Variants in TANC2 observed in about 807,000 individuals in gnomAD.
TANC2 encodes tetratricopeptide repeat, ankyrin repeat and coiled-coil containing 2.
Under a neutral mutation model 210.5 loss-of-function variants are expected in TANC2, and 26 were observed. The ratio of observed to expected loss-of-function variants is 0.12; its 90% CI spans 0.09 to 0.17. The LOEUF (loss-of-function observed/expected upper bound fraction) is 0.17, where lower values mean the gene tolerates loss of function less well. Ranked by LOEUF, TANC2 falls within the 10% of genes least tolerant of loss-of-function variation. The pLI is 1.00. For synonymous variants in TANC2, 931 were observed against 967.1 expected (o/e 0.96, Z 0.69); for missense variants, 2,129 against 2,608.9 (o/e 0.82, Z 4.01).
At chr17:62,990,790 T>C (rs1415460210) in intron 1 of TANC2, among the ~76,000 whole-genome samples, 1 of 152,168 alleles carries the variant, frequency 6.6e-6, no homozygotes, top group East Asian at 1.9e-4. Flanking sequence ...TGTGTGTTAA[T>C]GGGCTTAGGT....
At chr17:62,974,669 T>A (rs1368778305) in intron 1 of TANC2, among the ~76,000 whole-genome samples, 1 of 152,224 alleles carries the variant, frequency 6.6e-6, no homozygotes, top group African/African-American at 2.4e-5. Context: ...ATCCTGTGTC[T>A]TACATATTTT....
At chr17:63,301,541 T>C (rs2044712991) in intron 9 of TANC2, among the ~76,000 whole-genome samples, 1 of 152,216 alleles carries the variant, frequency 6.6e-6, no homozygotes, top group Admixed American at 6.5e-5. Flanking sequence ...ATCCATTTCT[T>C]CTAGATTTTG....
At chr17:63,379,802 C>T in exon 15 of TANC2, 2 of 1,611,798 alleles carry the variant, frequency 1.2e-6, no homozygotes, top group Non-Finnish European at 1.7e-6. Flanking sequence ...TGGGACATCA[C>T]ATCCTCAAAG....
intron 8 of TANC2, among the ~76,000 whole-genome samples, chr17:63,261,610 G>T (rs1193152364): frequency 2.0e-5 from 3 of 152,176 alleles, no homozygotes; most frequent in African/African-American, 7.2e-5. Flanking sequence ...AGATTCAACT[G>T]CTGCTCCTGG....
At chr17:63,419,255 C>T (rs1403295657) in intron 27 of TANC2, among the ~76,000 whole-genome samples, 1 of 152,186 alleles carries the variant, frequency 6.6e-6, no homozygotes, top group East Asian at 1.9e-4. Flanking sequence ...GCAACGAAGT[C>T]CTCACAGAAA....
chr17:63,005,893 AGTTTGTGTGTGT>A (rs1439765712), intron 1 of TANC2, among the ~76,000 whole-genome samples: 4 of 121,014 alleles, frequency 3.3e-5, no homozygotes, highest in African/African-American at 1.2e-4. Flanking sequence ...CTGGCTGTAT[AGTTTGTGTGTGT>A]GTGTGTGTGT....
intron 3 of TANC2, among the ~76,000 whole-genome samples, chr17:63,085,563 TTC>T (rs1237034438): frequency 6.6e-6 from 1 of 152,154 alleles, no homozygotes; most frequent in African/African-American, 2.4e-5. Context: ...ACTGTACTAT[TTC>T]ACAGGTAGTA....
intron 7 of TANC2, among the ~76,000 whole-genome samples, chr17:63,205,539 AG>A (rs758876249): frequency 1.4e-4 from 21 of 152,126 alleles, no homozygotes; most frequent in Non-Finnish European, 2.1e-4. Flanking sequence ...CCAAAAGCAC[AG>A]GCAACAGAAG....
At chr17:63,097,935 T>C (rs369998117) in intron 3 of TANC2, among the ~76,000 whole-genome samples, 10 of 152,226 alleles carry the variant, frequency 6.6e-5, no homozygotes, top group African/African-American at 2.4e-4. Context: ...ATTTGATGTC[T>C]AATCTACATT....
At position 63,340,103 on chromosome 17, in the gene TANC2, G is replaced by A. The variant is rs2046177332; in HGVS notation, c.1578G>A (p.Val526=). 3.7e-6 allele frequency: 6 copies of A among 1,612,780 alleles called. No homozygotes were observed. In the East Asian group the frequency reaches 1.3e-4, roughly 36 times the overall value. Residue 526 remains valine, a splice_region_variant and synonymous_variant, in exon 12 of 28, where the codon GTG becomes GTA. Coordinates refer to ENST00000689528, the Ensembl canonical transcript of TANC2. ...GCATTCTCATCTTTCTTTTGCAGGT[G>A]GTTGCCTATCACTATTGTCAAGCAG...
chr17:63,316,184 C>T (rs1327858085), intron 10 of TANC2, among the ~76,000 whole-genome samples: 2 of 152,116 alleles, frequency 1.3e-5, no homozygotes, highest in African/African-American at 2.4e-5. Flanking sequence ...AGTAACTTTC[C>T]ACACTATTCC....
chr17:63,277,410 C>A (rs959470408), intron 9 of TANC2, among the ~76,000 whole-genome samples: 1 of 151,766 alleles, frequency 6.6e-6, no homozygotes, highest in Non-Finnish European at 1.5e-5. Context: ...GAAGACCCAT[C>A]AGTTATCTTT....
chr17:63,372,871 T>TA (rs2047312540), intron 14 of TANC2, among the ~76,000 whole-genome samples: 1 of 149,518 alleles, frequency 6.7e-6, no homozygotes, highest in Admixed American at 6.7e-5. Flanking sequence ...GAACCCATGT[T>TA]AAAGTTGATT....
chr17:63,420,737 C>T lies in TANC2; in HGVS notation c.5007C>T (p.Ala1669=). 1 of 1,613,982 alleles carries T rather than the reference C, an allele frequency of 6.2e-7. No homozygotes were observed. The highest frequency in any genetic ancestry group is 1.1e-5 in the South Asian group (1 of 91,082). ...CCAAATCTCCATTATCCAAAATGGC[C>T]CAGCGGCCCTACCAGATGCCTCAGC... Residue 1669 remains alanine (A), a synonymous_variant, in exon 28 of 28, where the codon GCC becomes GCT. Transcript: ENST00000689528. This position sits in a 1 kb window ranked among gnomAD's most constrained non-coding sequence, Gnocchi z 4.2.
intron 4 of TANC2, among the ~76,000 whole-genome samples, chr17:63,109,808 C>T (rs1396829960): frequency 6.6e-6 from 1 of 151,666 alleles, no homozygotes; most frequent in Non-Finnish European, 1.5e-5. Flanking sequence ...ACTGTCAGTT[C>T]TCTAATTTAC....
chr17:63,270,769 A>T (rs1348134976), intron 9 of TANC2, among the ~76,000 whole-genome samples: 2 of 152,114 alleles, frequency 1.3e-5, no homozygotes, highest in Non-Finnish European at 2.9e-5. Context: ...TCACCCAAGT[A>T]TTAAGCCTAG....
chr17:63,211,901 T>G (rs889373526), intron 7 of TANC2, among the ~76,000 whole-genome samples: 1 of 152,172 alleles, frequency 6.6e-6, no homozygotes, highest in Non-Finnish European at 1.5e-5. Flanking sequence ...TTATTATACT[T>G]TAAGTTCTAG....
At chr17:63,169,125 C>G (rs2040312685) in intron 5 of TANC2, among the ~76,000 whole-genome samples, 1 of 152,156 alleles carries the variant, frequency 6.6e-6, no homozygotes, top group Non-Finnish European at 1.5e-5. Context: ...GTAACTTTCT[C>G]TTTCCTTCCT....
Position 63,076,758 on chromosome 17 carries a change from A to G in TANC2, c.139+2744A>G, listed in dbSNP as rs1373142274. On this transcript the variant is annotated intron_variant, in intron 3 of 27. Coordinates refer to ENST00000689528, the Ensembl canonical transcript of TANC2. ...CATAAAAGAGTGATATTATGACTTT[A>G]AAAAAGGCTCTTAGGCATTGAAATT... 2.0e-5 allele frequency among the ~76,000 whole-genome samples: 3 copies of G among 152,184 alleles called. No homozygotes were observed. The East Asian group carries it at 5.8e-4, about 29-fold the overall frequency.
Sources: gnomAD v4.1 joint callset for allele counts (sites outside exome capture counted in the v4.1 genomes callset) on GRCh38, gnomAD v4.1.1 for gene constraint, Gnocchi (gnomAD v3.1) non-coding constraint, MANE v1.5 for transcripts, NCBI Gene and HGNC (gene_info 2026-07-23, HGNC 2026-07-21) for gene names.